Variants in PGBD2 observed in about 807,000 individuals in gnomAD.
The protein encoded by PGBD2 is piggyBac transposable element derived 2.
A neutral mutation model predicts 8.1 loss-of-function variants in PGBD2; 6 were observed. That is an observed-to-expected ratio of 0.74 (90% CI 0.40 to 1.46). PGBD2 has a LOEUF of 1.46. Ranked by LOEUF, PGBD2 falls within the 40% of genes most tolerant of loss-of-function variation. The probability of loss-of-function intolerance (pLI) is 0.02; values close to 1 mark genes in which losing one functional copy is unlikely to be tolerated. For synonymous variants in PGBD2, 318 were observed against 272.2 expected (o/e 1.17, Z -1.66); for missense variants, 802 against 739.0 (o/e 1.09, Z -0.99).
At chr1:248,902,833 C>T (rs1355383735), upstream of PGBD2, among the ~76,000 whole-genome samples, 4 of 145,322 alleles carry the variant, frequency 2.8e-5, no homozygotes, top group Admixed American at 1.4e-4. Flanking sequence ...GGTGGGGTGG[C>T]GGGGAACAAC....
downstream of PGBD2, among the ~76,000 whole-genome samples, chr1:248,922,394 A>T (rs151309435): frequency 5.0e-3 from 758 of 152,258 alleles, 4 homozygotes; most frequent in Middle Eastern, 0.017. Context: ...CAATCATGTC[A>T]TCTGCAAACA....
At chr1:248,905,634 T>C (rs1289039766), upstream of PGBD2, among the ~76,000 whole-genome samples, 1 of 152,184 alleles carries the variant, frequency 6.6e-6, no homozygotes, top group Non-Finnish European at 1.5e-5. Context: ...GAATCTTAGA[T>C]GAACAACACT....
chr1:248,927,520 C>T, the PGBD2 span, among the ~76,000 whole-genome samples: 4 of 152,184 alleles, frequency 2.6e-5, no homozygotes, highest in African/African-American at 9.7e-5. Context: ...GTTTTCCAAG[C>T]CATGTGGTCC....
chr1:248,925,098 C>T, the PGBD2 span, among the ~76,000 whole-genome samples: 18 of 152,132 alleles, frequency 1.2e-4, no homozygotes, highest in Non-Finnish European at 2.1e-4. Flanking sequence ...TGCCTTTTGG[C>T]ATCTGTGATG....
At chr1:248,929,453 C>T in the PGBD2 span, among the ~76,000 whole-genome samples, 1 of 152,176 alleles carries the variant, frequency 6.6e-6, no homozygotes, top group African/African-American at 2.4e-5. Flanking sequence ...GCTGGCACCC[C>T]TTTGACTCAC....
At chr1:248,878,931 A>G in the PGBD2 span, among the ~76,000 whole-genome samples, 246 of 152,280 alleles carry the variant, frequency 1.6e-3, 2 homozygotes, top group Middle Eastern at 3.4e-3. Context: ...TATAAAATCT[A>G]TCTGTAGGCA....
At chr1:248,905,169 T>C (rs2103098914), upstream of PGBD2, among the ~76,000 whole-genome samples, 1 of 152,366 alleles carries the variant, frequency 6.6e-6, no homozygotes, top group South Asian at 2.1e-4. Flanking sequence ...CACTTCAGAA[T>C]CTCACAAATG....
the PGBD2 span, among the ~76,000 whole-genome samples, chr1:248,882,125 G>T: frequency 6.6e-6 from 1 of 152,146 alleles, no homozygotes; most frequent in East Asian, 1.9e-4. Flanking sequence ...GGCAGGTTGA[G>T]AAATAATAGA....
the PGBD2 span, among the ~76,000 whole-genome samples, chr1:248,930,152 C>A: frequency 6.6e-6 from 1 of 152,196 alleles, no homozygotes; most frequent in African/African-American, 2.4e-5. Flanking sequence ...GAGGCTTCGG[C>A]TGCTCATCGC....
upstream of PGBD2, among the ~76,000 whole-genome samples, chr1:248,904,948 C>T (rs907928102): frequency 5.3e-5 from 8 of 152,162 alleles, no homozygotes; most frequent in African/African-American, 1.9e-4. Context: ...TTTCACTGTT[C>T]TAACATCACT....
the PGBD2 span, among the ~76,000 whole-genome samples, chr1:248,890,193 C>T: frequency 5.5e-4 from 84 of 152,258 alleles, 3 homozygotes; most frequent in East Asian, 0.015. Context: ...TCCCACAGTG[C>T]TGGGTTACAG....
chr1:248,929,956 C>T, the PGBD2 span, among the ~76,000 whole-genome samples: 534 of 152,208 alleles, frequency 3.5e-3, 1 homozygote, highest in Admixed American at 7.9e-3. Flanking sequence ...TCAGAGTGTC[C>T]AGAGTGAAGA....
chr1:248,913,926 C>A, intron 2 of PGBD2, 47 bp downstream of exon 2: 2 of 1,552,226 alleles, frequency 1.3e-6, no homozygotes. Flanking sequence ...ATTTATTCCC[C>A]TATGCTTTTG....
chr1:248,908,604 G>A (rs905528642), intron 1 of PGBD2, among the ~76,000 whole-genome samples: 3 of 151,908 alleles, frequency 2.0e-5, no homozygotes, highest in Admixed American at 6.6e-5. Flanking sequence ...CTATGTTGGG[G>A]CCTGCATACT....
intron 1 of PGBD2, among the ~76,000 whole-genome samples, chr1:248,912,275 G>A (rs561195667): frequency 1.3e-5 from 2 of 152,256 alleles, no homozygotes; most frequent in African/African-American, 4.8e-5. Flanking sequence ...TCAGTTTACT[G>A]ACAGGGTCAG....
the PGBD2 span, among the ~76,000 whole-genome samples, chr1:248,925,066 T>C: frequency 6.6e-6 from 1 of 152,140 alleles, no homozygotes; most frequent in Non-Finnish European, 1.5e-5. Context: ...ACTGGATATG[T>C]TGGAAAAAAG....
At chr1:248,911,725 G>C (rs1165031863) in intron 1 of PGBD2, among the ~76,000 whole-genome samples, 1 of 150,520 alleles carries the variant, frequency 6.6e-6, no homozygotes, top group Non-Finnish European at 1.5e-5. Flanking sequence ...CCTCCCGGAC[G>C]GGGCGGCTGG....
chr1:248,886,468 T>C, the PGBD2 span, among the ~76,000 whole-genome samples: 12 of 152,346 alleles, frequency 7.9e-5, no homozygotes, highest in African/African-American at 2.6e-4. Context: ...ATCTGAAAGA[T>C]TGATCTGTTT....
chr1:248,926,889 G>T, the PGBD2 span, among the ~76,000 whole-genome samples: 2 of 152,278 alleles, frequency 1.3e-5, no homozygotes, highest in South Asian at 2.1e-4. Flanking sequence ...CTACAGATTT[G>T]ATTCTGATAT....
Sources: allele counts gnomAD v4.1 joint callset (sites outside exome capture counted in the v4.1 genomes callset), GRCh38; gene constraint gnomAD v4.1.1; transcripts MANE v1.5; gene names NCBI Gene and HGNC (gene_info 2026-07-23, HGNC 2026-07-21).